Variants in DEPDC4 observed in about 807,000 individuals in gnomAD.
DEPDC4 encodes DEP domain-containing protein 4.
Under a neutral mutation model 52.0 loss-of-function variants are expected in DEPDC4, and 52 were observed. The ratio of observed to expected loss-of-function variants is 1.00; its 90% confidence interval spans 0.80 to 1.26. DEPDC4 has a LOEUF of 1.26. Among genes scored for constraint, DEPDC4 ranks in the 50% most tolerant of loss-of-function variants. DEPDC4 has a pLI of 0.00. For missense variants in DEPDC4, 530 were observed against 546.9 expected, an observed-to-expected ratio of 0.97 and a Z score of 0.31; for synonymous variants, 201 against 196.8, an observed-to-expected ratio of 1.02 and a Z score of -0.18.
the DEPDC4 span, among the ~76,000 whole-genome samples, chr12:100,279,638 G>A: frequency 6.6e-6 from 1 of 152,126 alleles, no homozygotes; most frequent in Admixed American, 6.6e-5. Context: ...ATTGATTTTA[G>A]AGTGGATTTA....
In DEPDC4 at chr12:100,267,069, G is replaced by A. The variant is rs202033836; in HGVS notation, c.8C>T (p.Pro3Leu). The change falls in exon 1 of 10, where the codon CCA becomes CTA. Residue 3 changes from proline (P) to leucine (L), a missense_variant. Transcript: ENST00000550587. Reference protein sequence around the residue: MVPGEEPARELMA... With the variant: MVLGEEPARELMA... ...AAGCTCGCGCGCTGGCTCCTCCCCT[G>A]GCACCATAGCCCCGCCCCACCTGAC... The A allele has an allele frequency of 4.3e-4, 700 of 1,613,056 alleles. 1 individual carries two copies. The highest frequency in any genetic ancestry group is 5.7e-4 in the Non-Finnish European group (669 of 1,179,620).
intron 8 of DEPDC4, among the ~76,000 whole-genome samples, chr12:100,245,855 G>C (rs1175455838): frequency 6.6e-6 from 1 of 152,110 alleles, no homozygotes; most frequent in Non-Finnish European, 1.5e-5. Context: ...TAGAGACTTG[G>C]TAGCTAAATA....
rs779479329 is a variant in DEPDC4 at position 100,252,228 on chromosome 12, C to T, written c.1322G>A (p.Arg441Gln). ...TGGAAACCAGACCAGTTGTTCTGCC[C>T]GCACTTTTAATAATGATTTGGCTTG... ...VLQAKSLLKV[R>Q]AEQLVWFPLE... Residue 441 changes from arginine to glutamine, a missense_variant, in exon 7 of 10, where the codon CGG (arginine) becomes CAG (glutamine). By Grantham distance (43) the Arg-to-Gln change is conservative (BLOSUM62 1). Coordinates refer to ENST00000550587, the MANE Select transcript of DEPDC4 (RefSeq NM_001364818.2). 1.2e-4 allele frequency: 156 copies of T among 1,320,796 alleles called. No homozygotes were observed. Among genetic ancestry groups the T allele is most frequent in the Non-Finnish European group, 1.3e-4 (138 of 1,028,622 alleles). The allele number at this position is 1,320,796 out of a possible 1,614,324, so 81.8% of individuals were successfully genotyped here.
chr12:100,266,868 C>T (rs2096276115), intron 1 of DEPDC4, 52 bp downstream of exon 1: 1 of 1,579,930 alleles, frequency 6.3e-7, no homozygotes, highest in Non-Finnish European at 8.6e-7. Flanking sequence ...CTGCTCCCTT[C>T]AGCTGCCCCC....
chr12:100,259,304 C>A (rs1032611341), intron 3 of DEPDC4, among the ~76,000 whole-genome samples: 1 of 152,048 alleles, frequency 6.6e-6, no homozygotes, highest in African/African-American at 2.4e-5. Context: ...CATGAGAAAC[C>A]TTATGAAGGG....
intron 4 of DEPDC4, 89 bp downstream of exon 4, chr12:100,255,958 CAT>C (rs1246658926): frequency 1.1e-6 from 1 of 899,638 alleles, no homozygotes; most frequent in African/African-American, 1.7e-5. Context: ...AAGCTTATAA[CAT>C]GAATATTTTC....
chr12:100,238,339 T>C (rs578092940), downstream of DEPDC4, among the ~76,000 whole-genome samples: 34 of 152,124 alleles, frequency 2.2e-4, no homozygotes, highest in Middle Eastern at 6.8e-3. Flanking sequence ...TTTGTATTTT[T>C]AGTAGAGACG....
downstream of DEPDC4, among the ~76,000 whole-genome samples, chr12:100,235,155 C>T (rs571168339): frequency 1.3e-4 from 19 of 151,856 alleles, no homozygotes; most frequent in African/African-American, 4.6e-4. Flanking sequence ...GTAGGAAATA[C>T]TCAATTTAAA....
At chr12:100,246,869 C>T (rs934064411) in intron 8 of DEPDC4, among the ~76,000 whole-genome samples, 2 of 151,922 alleles carry the variant, frequency 1.3e-5, no homozygotes, top group Non-Finnish European at 2.9e-5. Context: ...ACCCAGGAGG[C>T]GGAGGTTGCA....
rs2096159784 is a variant in DEPDC4 at position 100,241,794 on chromosome 12, C to T, written c.*98G>A. 2 of 1,258,456 alleles carry T rather than the reference C, an allele frequency of 1.6e-6. No individual in the cohort carries two copies. The highest frequency in any genetic ancestry group is 4.9e-5 in the Admixed American group (2 of 40,472). 78.0% of individuals were successfully genotyped at this position (1,258,456 alleles called of 1,614,324 possible). On this transcript the variant is annotated 3_prime_UTR_variant, in exon 10 of 10. Transcript: ENST00000550587. ...CTGGTGTAGATACTGAATTGTCCTT[C>T]CCTTCTGCTTTTCAAACTCCTTGTA...
chr12:100,247,201 G>GTTTTTTTT (rs869121983), intron 8 of DEPDC4, among the ~76,000 whole-genome samples: 13 of 71,700 alleles, frequency 1.8e-4, no homozygotes, highest in Admixed American at 2.4e-4. Flanking sequence ...TCCCCTTAGT[G>GTTTTTTTT]TTTTTTTTTT....
chr12:100,268,631 A>G (rs1344073272), upstream of DEPDC4, among the ~76,000 whole-genome samples: 1 of 152,210 alleles, frequency 6.6e-6, no homozygotes, highest in Non-Finnish European at 1.5e-5. Flanking sequence ...TCTAAGATTC[A>G]TAAATACCCA....
At position 100,232,629 on chromosome 12, in the gene DEPDC4, A is replaced by C. The variant is rs182432471; in HGVS notation, c.*699+5339T>G. The stretch of plus-strand genomic sequence containing the variant: ...CTGGGCACGGTGGCTCACGCCTGTA[A>C]TCCCAGCACTTTGGGAGGCCAAGGT... On this transcript the variant is annotated intron_variant and NMD_transcript_variant, in intron 9 of 10. Transcript: ENST00000378244. 5.7e-4 allele frequency among the ~76,000 whole-genome samples: 87 copies of C among 152,188 alleles called. 1 individual carries two copies. Among genetic ancestry groups the C allele is most frequent in the African/African-American group, 2.0e-3 (83 of 41,530 alleles).
intron 1 of DEPDC4, among the ~76,000 whole-genome samples, chr12:100,266,350 A>G (rs757689601): frequency 2.0e-5 from 3 of 152,206 alleles, no homozygotes; most frequent in Non-Finnish European, 1.5e-5. Context: ...CATTGTGGGC[A>G]GAGCGGAGAC....
chr12:100,251,817 C>T (rs7138002), intron 7 of DEPDC4, among the ~76,000 whole-genome samples: 8,516 of 152,160 alleles, frequency 0.056, 771 homozygotes, highest in African/African-American at 0.19. Flanking sequence ...AGTCCACCCA[C>T]CTGGGCCTCC....
intron 9 of DEPDC4, among the ~76,000 whole-genome samples, chr12:100,232,353 G>A (rs979424222): frequency 2.0e-5 from 3 of 149,960 alleles, no homozygotes; most frequent in Non-Finnish European, 4.4e-5. Context: ...CCACGTTCGC[G>A]CCACTGCACT....
At chr12:100,279,065 G>T in the DEPDC4 span, among the ~76,000 whole-genome samples, 2 of 152,174 alleles carry the variant, frequency 1.3e-5, no homozygotes, top group Non-Finnish European at 2.9e-5. Context: ...TTTATCCTGT[G>T]TGTGGTTTAT....
the DEPDC4 span, among the ~76,000 whole-genome samples, chr12:100,280,848 T>A: frequency 6.6e-6 from 1 of 152,064 alleles, no homozygotes; most frequent in Non-Finnish European, 1.5e-5. Flanking sequence ...GCATTTAGGA[T>A]AAATATTCAA....
At chr12:100,266,056 GTAAAATTTTAATTAAAATTAAATTTAAT>G (rs2096271531) in intron 1 of DEPDC4, among the ~76,000 whole-genome samples, 3 of 151,784 alleles carry the variant, frequency 2.0e-5, no homozygotes, top group Admixed American at 2.0e-4. Flanking sequence ...CCGTACCCCA[GTAAAATTTTAATTAAAATTAAATTTAAT>G]TAAAATTAAT....
Sources: allele counts gnomAD v4.1 joint callset (sites outside exome capture counted in the v4.1 genomes callset), GRCh38; gene constraint gnomAD v4.1.1; transcripts MANE v1.5; gene names NCBI Gene and HGNC (gene_info 2026-07-23, HGNC 2026-07-21).